Variants in STAU1 observed in about 807,000 individuals in gnomAD.
STAU1 encodes the protein staufen double-stranded RNA binding protein 1, also known as double-stranded RNA-binding protein Staufen homolog 1.
STAU1 carries 13 observed loss-of-function variants against 62.9 expected under a neutral mutation model. The observed-to-expected ratio is 0.21, with a 90% CI of 0.13 to 0.33. The LOEUF is 0.33. Among genes scored for constraint, STAU1 ranks in the 10% least tolerant of loss-of-function variants. STAU1 has a pLI of 1.00. For synonymous variants in STAU1, 269 were observed against 265.1 expected (o/e 1.01, Z -0.14); for missense variants, 571 against 712.1 (o/e 0.80, Z 2.25).
chr20:49,124,965 C>T (rs1326406293), intron 6 of STAU1, among the ~76,000 whole-genome samples: 1 of 151,264 alleles, frequency 6.6e-6, no homozygotes, highest in Non-Finnish European at 1.5e-5. Flanking sequence ...CTCTGAGCCT[C>T]CAGCCAGGAC....
chr20:49,205,870 C>A, the STAU1 span, among the ~76,000 whole-genome samples: 1 of 151,270 alleles, frequency 6.6e-6, no homozygotes, highest in Middle Eastern at 3.4e-3. Flanking sequence ...GACGGGGTTT[C>A]TCCATGTTGG....
chr20:49,204,995 C>A, the STAU1 span, among the ~76,000 whole-genome samples: 1 of 151,790 alleles, frequency 6.6e-6, no homozygotes, highest in African/African-American at 2.4e-5. Flanking sequence ...AAAAAATTCA[C>A]AAGATTTTGT....
intron 5 of STAU1, among the ~76,000 whole-genome samples, chr20:49,138,652 C>A (rs897568111): frequency 2.0e-5 from 3 of 152,084 alleles, no homozygotes; most frequent in African/African-American, 7.2e-5. Flanking sequence ...CTGGCATAGG[C>A]ACCACTCCCA....
At chr20:49,189,226 AAAAAAAAAAAAAAAGAC>A (rs2093824590), upstream of STAU1, among the ~76,000 whole-genome samples, 1 of 136,020 alleles carries the variant, frequency 7.4e-6, no homozygotes, top group Non-Finnish European at 1.5e-5. Context: ...AAAAAAAAAA[AAAAAAAAAAAAAAAGAC>A]GAGAAGTGCC....
chr20:49,170,346 ATT>A (rs1200239666), intron 2 of STAU1, among the ~76,000 whole-genome samples: 8 of 152,196 alleles, frequency 5.3e-5, no homozygotes, highest in Admixed American at 1.3e-4. Flanking sequence ...TACTTAAGCA[ATT>A]ATGGAAAAAC....
At chr20:49,202,678 A>G in the STAU1 span, among the ~76,000 whole-genome samples, 1 of 151,848 alleles carries the variant, frequency 6.6e-6, no homozygotes, top group Non-Finnish European at 1.5e-5. Flanking sequence ...AGCTCAGCTC[A>G]GTAGTTCAAG....
chr20:49,141,593 T>C (rs186639851), intron 5 of STAU1, among the ~76,000 whole-genome samples: 52 of 152,218 alleles, frequency 3.4e-4, no homozygotes, highest in African/African-American at 1.3e-3. Flanking sequence ...CAAGACTCCA[T>C]CTCAAAACAC....
the STAU1 span, among the ~76,000 whole-genome samples, chr20:49,212,641 C>CTTTTTTT: frequency 6.5e-5 from 1 of 15,472 alleles, no homozygotes; most frequent in Non-Finnish European, 1.5e-4. Context: ...CAGAGTTTTG[C>CTTTTTTT]TCTTGTTGCC....
intron 3 of STAU1, among the ~76,000 whole-genome samples, chr20:49,163,177 C>A (rs372529121): frequency 6.7e-6 from 1 of 150,292 alleles, no homozygotes; most frequent in African/African-American, 2.4e-5. Context: ...GGCGACAGAG[C>A]GAGACTCCAT....
At chr20:49,185,021 G>A (rs1005964893) in intron 1 of STAU1, among the ~76,000 whole-genome samples, 1 of 152,108 alleles carries the variant, frequency 6.6e-6, no homozygotes. Context: ...AAAGAAAAAC[G>A]TGAACACTTA....
At chr20:49,153,174 C>T (rs926530878) in intron 4 of STAU1, among the ~76,000 whole-genome samples, 2 of 146,376 alleles carry the variant, frequency 1.4e-5, no homozygotes, top group East Asian at 2.1e-4. Context: ...AGCATGAACC[C>T]GGGAGGCAGA....
At chr20:49,176,143 A>G (rs1450326882) in intron 1 of STAU1, among the ~76,000 whole-genome samples, 1 of 152,206 alleles carries the variant, frequency 6.6e-6, no homozygotes, top group African/African-American at 2.4e-5. Context: ...CGATCACATA[A>G]GACTGATTTT....
At chr20:49,187,302 G>A (rs561362601) in intron 1 of STAU1, among the ~76,000 whole-genome samples, 1 of 152,268 alleles carries the variant, frequency 6.6e-6, no homozygotes, top group East Asian at 1.9e-4. Flanking sequence ...GAAAGAAACA[G>A]CATCCATCGT....
chr20:49,123,291 C>T (rs367608076), intron 7 of STAU1, 56 bp from the exon 8 acceptor site: 1 of 1,612,676 alleles, frequency 6.2e-7, no homozygotes. Context: ...TGAACTTGGT[C>T]AACTCAGAGA....
intron 3 of STAU1, among the ~76,000 whole-genome samples, chr20:49,155,375 C>T (rs2093341582): frequency 2.0e-5 from 3 of 152,202 alleles, no homozygotes; most frequent in South Asian, 4.1e-4. Flanking sequence ...AAAATACATG[C>T]TATTCATTTT....
the STAU1 span, among the ~76,000 whole-genome samples, chr20:49,216,442 C>T: frequency 1.3e-5 from 2 of 151,966 alleles, no homozygotes; most frequent in East Asian, 1.9e-4. Context: ...GCACAAGAGT[C>T]GCTTGGACCC....
intron 3 of STAU1, among the ~76,000 whole-genome samples, chr20:49,160,172 CA>C (rs1027610202): frequency 1.3e-5 from 2 of 152,150 alleles, no homozygotes; most frequent in African/African-American, 4.8e-5. Flanking sequence ...GTAACTTGCA[CA>C]AGATCACACA....
At chr20:49,159,251 G>T in intron 3 of STAU1, 1 of 706,958 alleles carries the variant, frequency 1.4e-6, no homozygotes, top group Non-Finnish European at 1.8e-6. Context: ...TTCTGTTGGT[G>T]TAGCAAGGCT....
intron 5 of STAU1, among the ~76,000 whole-genome samples, chr20:49,137,134 C>A (rs978588542): frequency 6.6e-6 from 1 of 152,082 alleles, no homozygotes; most frequent in Non-Finnish European, 1.5e-5. Flanking sequence ...TGTAAACAGC[C>A]ACTGAACTCC....
Sources: gnomAD v4.1 joint callset for allele counts (sites outside exome capture counted in the v4.1 genomes callset) on GRCh38, gnomAD v4.1.1 for gene constraint, MANE v1.5 for transcripts, NCBI Gene and HGNC (gene_info 2026-07-23, HGNC 2026-07-21) for gene names.